Variants in GPC5 observed in about 807,000 individuals in gnomAD.
The protein encoded by GPC5 is glypican 5.
Under a neutral mutation model 53.9 loss-of-function variants are expected in GPC5, and 47 were observed. The ratio of observed to expected loss-of-function variants is 0.87; its 90% CI spans 0.69 to 1.11. The LOEUF is 1.11. GPC5 is among the 50% of genes most tolerant of loss of function. The probability of loss-of-function intolerance (pLI) is 0.00; values close to 1 mark genes in which losing one functional copy is unlikely to be tolerated. For missense variants in GPC5, 748 were observed against 713.1 expected (o/e 1.05, Z -0.56); for synonymous variants, 286 against 263.3 (o/e 1.09, Z -0.84).
intron 7 of GPC5, among the ~76,000 whole-genome samples, chr13:92,791,673 A>C (rs1428014066): frequency 6.6e-6 from 1 of 152,146 alleles, no homozygotes; most frequent in Non-Finnish European, 1.5e-5. Flanking sequence ...CTGTGGTTAC[A>C]GTTACATTTT....
intron 7 of GPC5, among the ~76,000 whole-genome samples, chr13:92,631,121 A>AT (rs1476125786): frequency 4.6e-5 from 7 of 152,072 alleles, no homozygotes; most frequent in Admixed American, 4.6e-4. Flanking sequence ...ATCTTTTTAT[A>AT]TTTTTATATA....
chr13:92,681,813 C>T (rs1223225800), intron 7 of GPC5, among the ~76,000 whole-genome samples: 1 of 152,240 alleles, frequency 6.6e-6, no homozygotes, highest in South Asian at 2.1e-4. Flanking sequence ...TAGCATTTTC[C>T]CTGTTGGCCT....
chr13:92,611,332 C>G (rs540118825), intron 7 of GPC5, among the ~76,000 whole-genome samples: 2 of 152,224 alleles, frequency 1.3e-5, no homozygotes, highest in South Asian at 4.1e-4. Context: ...GACCGGATGA[C>G]TCTTTGAGAA....
chr13:91,607,129 G>T (rs1285156714), intron 2 of GPC5, among the ~76,000 whole-genome samples: 1 of 151,982 alleles, frequency 6.6e-6, no homozygotes, highest in Non-Finnish European at 1.5e-5. Context: ...AACCTTCTGA[G>T]GAAATATTTG....
rs35957614 is a variant in GPC5, at chr13:91,950,266, GTTTT to G, written c.1401+42225_1401+42228del. Among the ~76,000 whole-genome samples the G allele has an allele frequency of 1.9e-3, 227 of 122,652 alleles. 2 individuals are homozygous for G. Among genetic ancestry groups the G allele is most frequent in the African/African-American group, 6.5e-3 (213 of 32,676 alleles). 80.5% of individuals were successfully genotyped at this position (122,652 alleles called of 152,430 possible). ...CCCTGAATTTTACTAAAACTGCCAA[GTTTT>G]TTTTTTTTTTTTTTTCATGAATTAG... On this transcript the variant is annotated intron_variant, in intron 6 of 7. Coordinates refer to ENST00000377067, the MANE Select transcript of GPC5 (RefSeq NM_004466.6).
chr13:91,409,238 G>C (rs886733794), intron 1 of GPC5, among the ~76,000 whole-genome samples: 2 of 152,050 alleles, frequency 1.3e-5, no homozygotes, highest in African/African-American at 2.4e-5. Context: ...GTTCTCACCA[G>C]GCTTGGAATT....
intron 7 of GPC5, among the ~76,000 whole-genome samples, chr13:92,550,823 A>G (rs1481153558): frequency 6.6e-6 from 1 of 151,930 alleles, no homozygotes; most frequent in African/African-American, 2.4e-5. Context: ...TATCCTGATA[A>G]TATTTGGATC....
intron 7 of GPC5, among the ~76,000 whole-genome samples, chr13:92,296,235 T>G (rs1239100043): frequency 2.6e-5 from 4 of 152,118 alleles, no homozygotes; most frequent in East Asian, 1.9e-4. Context: ...ATTTTTGTGC[T>G]GGTTAGCCTC....
intron 6 of GPC5, among the ~76,000 whole-genome samples, chr13:92,095,637 C>T (rs934046384): frequency 2.8e-4 from 43 of 152,258 alleles, no homozygotes; most frequent in Admixed American, 2.4e-3. Flanking sequence ...TGGGTTCAAG[C>T]GATTCTACTG....
chr13:91,600,796 T>C (rs189145405), intron 2 of GPC5, among the ~76,000 whole-genome samples: 29 of 152,314 alleles, frequency 1.9e-4, no homozygotes, highest in Non-Finnish European at 7.4e-5. Flanking sequence ...TTTGTGTCTG[T>C]TATCTATTTC....
At chr13:92,523,479 CA>C (rs1307341095) in intron 7 of GPC5, among the ~76,000 whole-genome samples, 7 of 152,040 alleles carry the variant, frequency 4.6e-5, no homozygotes, top group African/African-American at 1.7e-4. Context: ...ACATTTCCAT[CA>C]AATATTTGAG....
intron 2 of GPC5, among the ~76,000 whole-genome samples, chr13:91,657,230 A>G (rs1195833601): frequency 6.6e-6 from 1 of 151,956 alleles, no homozygotes; most frequent in Non-Finnish European, 1.5e-5. Flanking sequence ...GATGATGAAG[A>G]CTTGTTTTAG....
rs148712485 is a variant in GPC5, at chr13:92,333,515, C to A, written c.1561+188526C>A. ...CAATCTTTGGCCTACTCTAGTCTTC[C>A]TTTTCTATTTATGGGGTGGTGGTGC... is the stretch of plus-strand genomic sequence containing the variant. On this transcript the variant is annotated intron_variant, in intron 7 of 7. Transcript: ENST00000377067. Among the ~76,000 whole-genome samples the A allele has an allele frequency of 1.3e-3, 194 of 152,088 alleles. 1 individual carries two copies. The highest frequency in any genetic ancestry group is 4.4e-3 in the African/African-American group (184 of 41,504).
chr13:91,796,602 C>T (rs180698589), intron 5 of GPC5, among the ~76,000 whole-genome samples: 1 of 152,248 alleles, frequency 6.6e-6, no homozygotes, highest in Non-Finnish European at 1.5e-5. Context: ...TTAGTGAGCC[C>T]TCTTTACTAC....
intron 7 of GPC5, among the ~76,000 whole-genome samples, chr13:92,261,376 C>A (rs2042765922): frequency 6.6e-6 from 1 of 152,042 alleles, no homozygotes; most frequent in Admixed American, 6.6e-5. Context: ...AGTCAGACTT[C>A]TCAGATAAGT....
At chr13:91,474,381 A>G (rs1406414111) in intron 2 of GPC5, among the ~76,000 whole-genome samples, 3 of 152,140 alleles carry the variant, frequency 2.0e-5, no homozygotes, top group African/African-American at 7.2e-5. Flanking sequence ...TATCTGAAGA[A>G]GACCTAGAAT....
chr13:92,290,847 G>A (rs1441678961), intron 7 of GPC5, among the ~76,000 whole-genome samples: 1 of 152,196 alleles, frequency 6.6e-6, no homozygotes, highest in African/African-American at 2.4e-5. Flanking sequence ...GGGTTGGCCA[G>A]GGCTGGAGCT....
chr13:92,593,381 T>C (rs928679619), intron 7 of GPC5, among the ~76,000 whole-genome samples: 2 of 150,992 alleles, frequency 1.3e-5, no homozygotes, highest in African/African-American at 4.9e-5. Flanking sequence ...TGCTATGTAC[T>C]GAGATAAGGA....
chr13:92,199,815 C>T (rs967497071), intron 7 of GPC5, among the ~76,000 whole-genome samples: 9 of 152,096 alleles, frequency 5.9e-5, no homozygotes, highest in Non-Finnish European at 1.3e-4. Flanking sequence ...TCAATTTAAA[C>T]ACAATTTTTT....
Sources: allele counts gnomAD v4.1 joint callset (sites outside exome capture counted in the v4.1 genomes callset), GRCh38; gene constraint gnomAD v4.1.1; transcripts MANE v1.5; gene names NCBI Gene and HGNC (gene_info 2026-07-23, HGNC 2026-07-21).